COL4A5: variants seen among roughly 807,000 people sequenced by gnomAD.
COL4A5 encodes collagen type IV alpha 5 chain.
COL4A5 carries 26 observed loss-of-function variants against 130.2 expected under a neutral mutation model. The ratio of observed to expected loss-of-function variants is 0.20; its 90% CI spans 0.15 to 0.28. The LOEUF (loss-of-function observed/expected upper bound fraction) is 0.28, where lower values mean the gene tolerates loss of function less well. Ranked by LOEUF, COL4A5 falls within the 10% of genes least tolerant of loss-of-function variation. The pLI is 1.00. For synonymous variants in COL4A5, 496 were observed against 439.6 expected, an observed-to-expected ratio of 1.13 and a Z score of -1.60; for missense variants, 1,131 against 1,344.3, an observed-to-expected ratio of 0.84 and a Z score of 2.48.
intron 1 of COL4A5, among the ~76,000 whole-genome samples, chrX:108,468,220 A>G (rs746337191): frequency 8.9e-6 from 1 of 111,992 alleles, no homozygotes; most frequent in East Asian, 2.8e-4. Flanking sequence ...GGCGGCACTC[A>G]TAATGACTTG....
chrX:108,444,512 C>A (rs1468905430), intron 1 of COL4A5, among the ~76,000 whole-genome samples: 1 of 111,905 alleles, frequency 8.9e-6, no homozygotes, highest in Non-Finnish European at 1.9e-5. Context: ...AGCCACCGCA[C>A]CTGGCCTCCA....
chrX:108,518,232 C>A (rs1024240991), intron 1 of COL4A5, among the ~76,000 whole-genome samples: 1 of 110,914 alleles, frequency 9.0e-6, no homozygotes, highest in African/African-American at 3.3e-5. Flanking sequence ...AATAAGGTAA[C>A]GATTTTTAAA....
At chrX:108,601,095 G>A (rs1393249818) in intron 25 of COL4A5, among the ~76,000 whole-genome samples, 1 of 111,385 alleles carries the variant, frequency 9.0e-6, no homozygotes, top group Non-Finnish European at 1.9e-5. Flanking sequence ...TAGAAATAAT[G>A]CTTTACCAGC....
chrX:108,611,110 T>C (rs1449482571), intron 29 of COL4A5, among the ~76,000 whole-genome samples: 2 of 111,330 alleles, frequency 1.8e-5, no homozygotes, highest in African/African-American at 6.5e-5. Context: ...GAATGGGTAT[T>C]AGAACTCAGT....
intron 49 of COL4A5, among the ~76,000 whole-genome samples, chrX:108,691,352 AT>A (rs1420900581): frequency 3.6e-5 from 4 of 111,555 alleles, no homozygotes; most frequent in South Asian, 3.7e-4. Flanking sequence ...CATAAAAAAA[AT>A]GTTCATGTGC....
chrX:108,527,408 A>G (rs1477775539), intron 1 of COL4A5, among the ~76,000 whole-genome samples: 1 of 112,049 alleles, frequency 8.9e-6, no homozygotes, highest in Non-Finnish European at 1.9e-5. Flanking sequence ...AATTACAAAG[A>G]CCTTAAGAAT....
intron 1 of COL4A5, among the ~76,000 whole-genome samples, chrX:108,496,511 T>G (rs763078719): frequency 8.9e-5 from 10 of 111,930 alleles, no homozygotes; most frequent in Non-Finnish European, 9.4e-5. Flanking sequence ...CTATATACAT[T>G]TGAGAAGAAT....
At chrX:108,673,735 T>TATAATA (rs758392388) in intron 42 of COL4A5, among the ~76,000 whole-genome samples, 11 of 106,282 alleles carry the variant, frequency 1.0e-4, no homozygotes, top group Admixed American at 2.1e-4. Flanking sequence ...ATAATAATAA[T>TATAATA]ATAATAATAA....
rs772593426 is a variant in COL4A5 at position 108,637,881 on chromosome X, C to T, written c.3246+11532C>T. 1.2e-4 allele frequency among the ~76,000 whole-genome samples: 13 copies of T among 107,231 alleles called. No homozygotes were observed. In the South Asian group the frequency reaches 1.2e-3, roughly 10 times the overall value. 93.1% of individuals were successfully genotyped at this position (107,231 alleles called of 115,157 possible). ...TTTTTTTTTTTTTGAGACAGGGTCT[C>T]GCTATGTTGCCCATGCTGGATGGAG... On this transcript the variant is annotated intron_variant, in intron 36 of 52. Transcript: ENST00000328300.
intron 47 of COL4A5, among the ~76,000 whole-genome samples, chrX:108,683,200 G>T (rs775755589): frequency 9.0e-6 from 1 of 111,499 alleles, no homozygotes; most frequent in African/African-American, 3.3e-5. Context: ...TCAGATGGTT[G>T]TAGATGGGTG....
At chrX:108,587,689 C>A (rs1280578445) in intron 19 of COL4A5, among the ~76,000 whole-genome samples, 3 of 111,137 alleles carry the variant, frequency 2.7e-5, no homozygotes, top group Non-Finnish European at 5.7e-5. Flanking sequence ...TTTTGAAGAA[C>A]CTCCATACTT....
chrX:108,619,340 T>C (rs905556223), intron 30 of COL4A5, among the ~76,000 whole-genome samples: 1 of 111,991 alleles, frequency 8.9e-6, no homozygotes, highest in African/African-American at 3.2e-5. Context: ...AATGATCATC[T>C]GGCTCAACCC....
At chrX:108,650,364 G>A (rs1456185469) in intron 36 of COL4A5, among the ~76,000 whole-genome samples, 1 of 111,411 alleles carries the variant, frequency 9.0e-6, no homozygotes, top group African/African-American at 3.3e-5. Flanking sequence ...AAAGAGTGTG[G>A]AGATTCCTTA....
chrX:108,694,043 GTAT>G (rs1569509106), intron 50 of COL4A5: 9 of 92,269 alleles, frequency 9.8e-5, no homozygotes, highest in African/African-American at 3.5e-4. Flanking sequence ...GAATTTGGGT[GTAT>G]GTGTGTGTGT....
chrX:108,637,909 C>A (rs2067386307), intron 36 of COL4A5, among the ~76,000 whole-genome samples: 2 of 107,433 alleles, frequency 1.9e-5, no homozygotes, highest in South Asian at 8.3e-4. Flanking sequence ...GGATGGAGTG[C>A]AGTGGTGCAG....
intron 29 of COL4A5, among the ~76,000 whole-genome samples, chrX:108,609,566 A>G (rs1164460350): frequency 9.0e-6 from 1 of 111,390 alleles, no homozygotes; most frequent in Non-Finnish European, 1.9e-5. Flanking sequence ...ATTTTGATGG[A>G]TAAAAGTTTT....
At chrX:108,652,864 G>A (rs916590949) in intron 36 of COL4A5, among the ~76,000 whole-genome samples, 38 of 111,870 alleles carry the variant, frequency 3.4e-4, no homozygotes, top group African/African-American at 1.1e-3. Flanking sequence ...GACTTATTAG[G>A]TATGAGATAT....
At chrX:108,637,368 C>T (rs191496108) in intron 36 of COL4A5, among the ~76,000 whole-genome samples, 15 of 111,082 alleles carry the variant, frequency 1.4e-4, no homozygotes, top group African/African-American at 4.2e-4. Context: ...AATCAAAAAC[C>T]TAACTTTACA....
intron 31 of COL4A5, among the ~76,000 whole-genome samples, chrX:108,620,815 A>C (rs190426927): frequency 3.0e-3 from 334 of 111,198 alleles, no homozygotes; most frequent in Non-Finnish European, 4.9e-3. Flanking sequence ...CTGGGTGTTC[A>C]TTAGCTCACA....
Sources: allele counts gnomAD v4.1 joint callset (sites outside exome capture counted in the v4.1 genomes callset), GRCh38; gene constraint gnomAD v4.1.1; transcripts MANE v1.5; gene names NCBI Gene and HGNC (gene_info 2026-07-23, HGNC 2026-07-21).